The following PKD1L1 variants were observed in gnomAD, a reference collection of about 807,000 sequenced individuals.
PKD1L1 encodes polycystin 1 like 1, transient receptor potential channel interacting.
A neutral mutation model predicts 323.4 loss-of-function variants in PKD1L1; 236 were observed. That is an observed-to-expected ratio of 0.73 (90% CI 0.66 to 0.81). The LOEUF (loss-of-function observed/expected upper bound fraction) is 0.81. Ranked by LOEUF, PKD1L1 falls within the 40% of genes least tolerant of loss-of-function variation. PKD1L1 has a pLI of 0.00. For missense variants in PKD1L1, 3,320 were observed against 3,508.0 expected, an observed-to-expected ratio of 0.95 and a Z score of 1.35; for synonymous variants, 1,344 against 1,335.0, an observed-to-expected ratio of 1.01 and a Z score of -0.15.
chr7:47,851,252 C>T (rs1285000557), intron 31 of PKD1L1, among the ~76,000 whole-genome samples: 3 of 152,140 alleles, frequency 2.0e-5, no homozygotes, highest in Non-Finnish European at 2.9e-5. Flanking sequence ...CAGGATAAGC[C>T]AGGACACGCT....
intron 1 of PKD1L1, 86 bp downstream of exon 1, chr7:47,948,311 A>AGAG: frequency 6.7e-7 from 1 of 1,484,220 alleles, no homozygotes; most frequent in South Asian, 1.1e-5. Flanking sequence ...CCCACATCCT[A>AGAG]GAGGTGATGA....
At chr7:47,813,416 C>T in intron 48 of PKD1L1, 123 bp from the exon 49 acceptor site, 1 of 1,039,208 alleles carries the variant, frequency 9.6e-7, no homozygotes, top group Non-Finnish European at 1.4e-6. Context: ...GCACCCTTCT[C>T]TCCTCATAGG....
chr7:47,917,574 G>A (rs1212180840), intron 7 of PKD1L1, among the ~76,000 whole-genome samples: 1 of 152,172 alleles, frequency 6.6e-6, no homozygotes, highest in Non-Finnish European at 1.5e-5. Flanking sequence ...CTTAAGAGCT[G>A]TGAGACAAAA....
At chr7:47,844,259 G>C (rs768352263) in intron 33 of PKD1L1, among the ~76,000 whole-genome samples, 2 of 152,050 alleles carry the variant, frequency 1.3e-5, no homozygotes, top group Non-Finnish European at 2.9e-5. Flanking sequence ...CTAATTATCT[G>C]GTCCACCAAC....
At position 47,811,937 on chromosome 7, in the gene PKD1L1, G is replaced by A. The variant is rs1373598408; in HGVS notation, c.7461C>T (p.Thr2487=). Residue 2487 remains threonine (T), a synonymous_variant, in exon 50 of 57, where the codon ACC becomes ACT. Coordinates refer to ENST00000289672, the MANE Select transcript of PKD1L1 (RefSeq NM_138295.5). ...TLYNPPTQLF[T]SVSLRVEILP... ...GGATCTCCACTCTCAGGGACACGCT[G>A]GTGAAGAGTTGGGTTGGAGGGTTAT... 2.5e-6 allele frequency: 4 copies of A among 1,606,602 alleles called. No homozygotes were observed. The highest frequency in any genetic ancestry group is 2.5e-6 in the Non-Finnish European group (3 of 1,176,734).
rs1360467080 is a variant in PKD1L1, at chr7:47,876,183, T to A, written c.3698A>T (p.Asn1233Ile). 1 of 1,614,116 alleles carries A rather than the reference T, an allele frequency of 6.2e-7. No homozygotes were observed. The highest frequency in any genetic ancestry group is 2.2e-5 in the East Asian group (1 of 44,880). ...ATGGTACAAAGTGTGTTTGGAGGTG[T>A]TTCCTATCTGGTAACTAAATTCATA... The part of the protein sequence containing the change: ...FHYEFSYQIG[N>I]TSKHTLYHGR... Residue 1233 changes from asparagine to isoleucine, a missense_variant, in exon 23 of 57, where the codon AAC becomes ATC. Transcript: ENST00000289672.
intron 5 of PKD1L1, among the ~76,000 whole-genome samples, chr7:47,931,536 G>A (rs1485784082): frequency 3.9e-5 from 6 of 152,222 alleles, no homozygotes; most frequent in East Asian, 1.9e-4. Context: ...CCAAGACAGC[G>A]CCCAGCTGGC....
At chr7:47,952,087 T>C (rs1280328710), upstream of PKD1L1, among the ~76,000 whole-genome samples, 1 of 152,222 alleles carries the variant, frequency 6.6e-6, no homozygotes, top group Non-Finnish European at 1.5e-5. Context: ...ATATTCTACA[T>C]CTTTTTTTAA....
chr7:47,788,354 G>A (rs1001004259), intron 56 of PKD1L1, among the ~76,000 whole-genome samples: 6 of 148,852 alleles, frequency 4.0e-5, no homozygotes, highest in African/African-American at 1.2e-4. Context: ...GCAGTGGTGC[G>A]ATCTCTGCTC....
At chr7:47,843,354 T>C (rs539675532) in intron 33 of PKD1L1, among the ~76,000 whole-genome samples, 185 bp from the exon 34 acceptor site, 11 of 152,270 alleles carry the variant, frequency 7.2e-5, no homozygotes, top group South Asian at 2.1e-4. Context: ...TGTGGTCCAG[T>C]GAGCAGCACC....
Position 47,931,319 on chromosome 7 carries a change from G to GAGCTTAAAAGTTTA in PKD1L1, c.520-12_521dup (p.Gln175LysfsTer17). 6.2e-7 allele frequency: 1 copy of GAGCTTAAAAGTTTA among 1,614,132 alleles called. No homozygotes were observed. Among genetic ancestry groups the GAGCTTAAAAGTTTA allele is most frequent in the Non-Finnish European group, 8.5e-7 (1 of 1,180,024 alleles). On this transcript the variant is annotated frameshift_variant and splice_region_variant, in exon 6 of 57. Coordinates refer to ENST00000289672, the MANE Select transcript of PKD1L1 (RefSeq NM_138295.5). LOFTEE classifies it high-confidence loss of function. ...GAGCTGCTGCAGAAGTGGTGCCCTG[G>GAGCTTAAAAGTTTA]AGCTTAAAAGTTTAAGAACAGTTCA...
At position 47,811,819 on chromosome 7, in the gene PKD1L1, G is replaced by A. The variant is rs776820967; in HGVS notation, c.7579C>T (p.Gln2527Ter). 6 of 1,598,656 alleles carry A rather than the reference G, an allele frequency of 3.8e-6. No homozygotes were observed. The highest frequency in any genetic ancestry group is 1.7e-6 in the Non-Finnish European group (2 of 1,173,224). ...SALQYHLMLPQLVFLALSLIH... is the reference protein window; with the variant it reads ...SALQYHLMLP ...GCCCAAGAGGCAGGTCAGCTCACCT[G>A]GGGAAGCATGAGGTGGTACTGCAGG... is the stretch of plus-strand genomic sequence containing the variant. The change falls in exon 50 of 57, where the codon CAG (glutamine) becomes TAG (stop). Residue 2527 changes from glutamine to a stop codon, truncating the protein, a stop_gained and splice_region_variant. Transcript: ENST00000289672. LOFTEE classifies it high-confidence loss of function.
the PKD1L1 span, among the ~76,000 whole-genome samples, chr7:47,959,609 G>A: frequency 8.2e-6 from 1 of 121,552 alleles, no homozygotes; most frequent in African/African-American, 2.7e-5. Context: ...TGAGAAGTGA[G>A]GAGCCCCTCC....
Position 47,815,421 on chromosome 7 carries a change from G to T in PKD1L1, c.7002C>A (p.Ile2334=). 1 of 1,614,062 alleles carries T rather than the reference G, an allele frequency of 6.2e-7. No homozygotes were observed. The highest frequency in any genetic ancestry group is 8.5e-7 in the Non-Finnish European group (1 of 1,179,960). ...ARNCLGGLRN[I]ADWWDWSLTT... is the part of the protein sequence containing the mutation. ...TCAGACTCCAGTCCCACCAGTCAGC[G>T]ATGTTTCTCAGGCCACCCAAGCAGT... Residue 2334 remains isoleucine, a synonymous_variant, in exon 47 of 57, where the codon ATC becomes ATA. Coordinates refer to ENST00000289672, the MANE Select transcript of PKD1L1 (RefSeq NM_138295.5).
chr7:47,789,995 T>A, intron 56 of PKD1L1, among the ~76,000 whole-genome samples: 1 of 151,934 alleles, frequency 6.6e-6, no homozygotes, highest in Non-Finnish European at 1.5e-5. Flanking sequence ...TTCAAGCAAT[T>A]CTCTTGCCTC....
At chr7:47,927,500 G>A (rs933431042) in intron 7 of PKD1L1, among the ~76,000 whole-genome samples, 4 of 152,018 alleles carry the variant, frequency 2.6e-5, no homozygotes, top group African/African-American at 4.8e-5. Context: ...TCTTGACCTC[G>A]TGATCCACCC....
At chr7:47,922,257 C>G (rs565494225) in intron 7 of PKD1L1, among the ~76,000 whole-genome samples, 1 of 152,322 alleles carries the variant, frequency 6.6e-6, no homozygotes, top group Non-Finnish European at 1.5e-5. Flanking sequence ...GCTCTCGGCT[C>G]GCTACAACCT....
intron 23 of PKD1L1, among the ~76,000 whole-genome samples, chr7:47,875,847 A>G (rs1786392579): frequency 6.6e-6 from 1 of 152,234 alleles, no homozygotes; most frequent in Non-Finnish European, 1.5e-5. Flanking sequence ...ATGAAAAAAC[A>G]TTCTCTGGCA....
At chr7:47,809,368 G>A in intron 51 of PKD1L1, 105 bp downstream of exon 51, 1 of 804,050 alleles carries the variant, frequency 1.2e-6, no homozygotes, top group Non-Finnish European at 1.9e-6. Context: ...CTGCAATAAT[G>A]TTGGCAGTAG....
Sources: allele counts gnomAD v4.1 joint callset (sites outside exome capture counted in the v4.1 genomes callset), GRCh38; gene constraint gnomAD v4.1.1; transcripts MANE v1.5; gene names NCBI Gene and HGNC (gene_info 2026-07-23, HGNC 2026-07-21).